Variants in SLC14A2 observed in about 807,000 individuals in gnomAD.
SLC14A2 encodes the protein urea transporter 2.
Under a neutral mutation model 104.6 loss-of-function variants are expected in SLC14A2, and 91 were observed. The observed-to-expected ratio is 0.87, with a 90% confidence interval of 0.73 to 1.04. The LOEUF (loss-of-function observed/expected upper bound fraction) is 1.04, where lower values mean the gene tolerates loss of function less well. Among genes scored for constraint, SLC14A2 ranks in the 50% least tolerant of loss-of-function variants. SLC14A2 has a pLI of 0.00. For synonymous variants in SLC14A2, 476 were observed against 466.4 expected, an observed-to-expected ratio of 1.02 and a Z score of -0.27; for missense variants, 1,189 against 1,156.0, an observed-to-expected ratio of 1.03 and a Z score of -0.41.
Position 45,371,665 on chromosome 18 carries a change from C to T in SLC14A2, c.-124-111568C>T, listed in dbSNP as rs543916012. 3.3e-5 allele frequency among the ~76,000 whole-genome samples: 5 copies of T among 152,306 alleles called. No homozygotes were observed. In the South Asian group the frequency reaches 1.0e-3, roughly 32 times the overall value. The stretch of plus-strand genomic sequence containing the variant: ...TAAAACCTTGTGCTTTTCTATCCCC[C>T]TCAATGTTTGCTTACTAACTCTCTC... On this transcript the variant is annotated intron_variant, in intron 1 of 20. Coordinates refer to the SLC14A2 transcript ENST00000586448.
intron 10 of SLC14A2, among the ~76,000 whole-genome samples, chr18:45,660,974 C>T (rs762495922): frequency 6.6e-5 from 10 of 152,366 alleles, no homozygotes; most frequent in Non-Finnish European, 1.3e-4. Flanking sequence ...TCGTGAGGAG[C>T]TGCTGCCCTC....
intron 1 of SLC14A2, among the ~76,000 whole-genome samples, chr18:45,318,183 G>A (rs1039396351): frequency 5.3e-5 from 8 of 152,200 alleles, no homozygotes; most frequent in Non-Finnish European, 7.3e-5. Context: ...CCAAGCACCG[G>A]GGAGACGGCA....
rs545007616 is a variant in SLC14A2, at chr18:45,398,951, C to A, written c.-124-84282C>A. Among the ~76,000 whole-genome samples, 9 of 152,232 alleles carry A rather than the reference C, an allele frequency of 5.9e-5. No homozygotes were observed. The South Asian group carries it at 6.2e-4, about 11-fold the overall frequency. On this transcript the variant is annotated intron_variant, in intron 1 of 20. Transcript: ENST00000586448. ...CGTACACATACTTTATGTCATCGAACGAACATTTAAACATTAAAATGGTAA... is the reference window on the plus strand; with the variant it reads ...CGTACACATACTTTATGTCATCGAAAGAACATTTAAACATTAAAATGGTAA...
intron 2 of SLC14A2, among the ~76,000 whole-genome samples, chr18:45,484,671 C>T (rs901153728): frequency 3.3e-5 from 5 of 152,138 alleles, no homozygotes; most frequent in African/African-American, 1.2e-4. Context: ...CCTGCCAGTG[C>T]TGGAAGTCAG....
intron 1 of SLC14A2, among the ~76,000 whole-genome samples, chr18:45,281,199 A>T (rs909041942): frequency 3.3e-5 from 5 of 151,896 alleles, no homozygotes; most frequent in Admixed American, 1.3e-4. Flanking sequence ...ATTCCAAATC[A>T]TTTTTCTGGG....
intron 18 of SLC14A2, among the ~76,000 whole-genome samples, chr18:45,677,413 C>CA (rs2046244255): frequency 6.6e-6 from 1 of 152,120 alleles, no homozygotes; most frequent in Non-Finnish European, 1.5e-5. Flanking sequence ...TCTCTCTTTC[C>CA]AACCTCAGAT....
chr18:45,360,308 C>T (rs2085597736), intron 1 of SLC14A2, among the ~76,000 whole-genome samples: 1 of 152,230 alleles, frequency 6.6e-6, no homozygotes. Context: ...GCCTACGACA[C>T]ATCCCTCCTC....
At chr18:45,324,371 G>A (rs2085213961) in intron 1 of SLC14A2, among the ~76,000 whole-genome samples, 3 of 152,080 alleles carry the variant, frequency 2.0e-5, no homozygotes, top group Admixed American at 6.6e-5. Context: ...AATCGCCAAC[G>A]ATTATTTTAA....
At chr18:45,378,003 TA>T (rs895948096) in intron 1 of SLC14A2, among the ~76,000 whole-genome samples, 12 of 152,066 alleles carry the variant, frequency 7.9e-5, no homozygotes, top group African/African-American at 2.9e-4. Context: ...ACAATCACCA[TA>T]AAAAAATGCA....
the SLC14A2 span, among the ~76,000 whole-genome samples, chr18:45,196,414 C>T: frequency 3.9e-5 from 6 of 152,270 alleles, no homozygotes; most frequent in African/African-American, 9.6e-5. Context: ...TTTGAAGCTG[C>T]TCAGCTAAAG....
chr18:45,321,271 T>C (rs1390979562), intron 1 of SLC14A2, among the ~76,000 whole-genome samples: 1 of 152,162 alleles, frequency 6.6e-6, no homozygotes, highest in African/African-American at 2.4e-5. Flanking sequence ...ATACTAAGGC[T>C]CAACAACCAC....
chr18:45,453,936 T>C (rs916307646), intron 1 of SLC14A2, among the ~76,000 whole-genome samples: 10 of 144,016 alleles, frequency 6.9e-5, no homozygotes, highest in Admixed American at 1.4e-4. Context: ...CTCGGCTCAC[T>C]GCAACCTCTG....
At chr18:45,305,805 A>G (rs2085014504) in intron 1 of SLC14A2, among the ~76,000 whole-genome samples, 1 of 152,182 alleles carries the variant, frequency 6.6e-6, no homozygotes, top group African/African-American at 2.4e-5. Flanking sequence ...AGAATTCCAG[A>G]CATGGCTGAT....
intron 1 of SLC14A2, among the ~76,000 whole-genome samples, chr18:45,255,129 C>T (rs973655990): frequency 1.3e-5 from 2 of 152,156 alleles, no homozygotes; most frequent in Admixed American, 6.5e-5. Flanking sequence ...TTTTCCCATT[C>T]CCCCCGAACA....
At chr18:45,179,030 G>T in the SLC14A2 span, among the ~76,000 whole-genome samples, 1 of 152,190 alleles carries the variant, frequency 6.6e-6, no homozygotes, top group African/African-American at 2.4e-5. Flanking sequence ...GTCTCTGACA[G>T]ATATAGGTAA....
the SLC14A2 span, among the ~76,000 whole-genome samples, chr18:45,193,111 G>T: frequency 6.6e-6 from 1 of 152,032 alleles, no homozygotes; most frequent in South Asian, 2.1e-4. Context: ...TATGTTTTGA[G>T]AATTCTTTAT....
At chr18:45,290,666 C>A (rs141596475) in intron 1 of SLC14A2, among the ~76,000 whole-genome samples, 3 of 152,194 alleles carry the variant, frequency 2.0e-5, no homozygotes, top group African/African-American at 7.2e-5. Flanking sequence ...GAAGGCTTGA[C>A]GTGAGAAAGC....
At chr18:45,303,168 GA>G (rs1468446581) in intron 1 of SLC14A2, among the ~76,000 whole-genome samples, 1 of 152,176 alleles carries the variant, frequency 6.6e-6, no homozygotes, top group Non-Finnish European at 1.5e-5. Flanking sequence ...CGTGGTGGAG[GA>G]AGATTTATAG....
intron 1 of SLC14A2, among the ~76,000 whole-genome samples, chr18:45,339,401 T>C (rs2085370812): frequency 6.6e-6 from 1 of 152,182 alleles, no homozygotes; most frequent in South Asian, 2.1e-4. Context: ...TAACGAGAAA[T>C]AAAGAAAGCT....
Sources: allele counts gnomAD v4.1 joint callset (sites outside exome capture counted in the v4.1 genomes callset), GRCh38; gene constraint gnomAD v4.1.1; transcripts MANE v1.5; gene names NCBI Gene and HGNC (gene_info 2026-07-23, HGNC 2026-07-21).